Variants in IQSEC2 observed in about 807,000 individuals in gnomAD.
IQSEC2 encodes the protein IQ motif and Sec7 domain ArfGEF 2, also known as IQ motif and SEC7 domain-containing protein 2.
Under a neutral mutation model 74.6 loss-of-function variants are expected in IQSEC2, and 6 were observed. That is an observed-to-expected ratio of 0.08 (90% CI 0.04 to 0.16). IQSEC2 has a LOEUF of 0.16. Among genes scored for constraint, IQSEC2 ranks in the 10% least tolerant of loss-of-function variants. The probability of loss-of-function intolerance (pLI) is 1.00; values close to 1 mark genes in which losing one functional copy is unlikely to be tolerated. For missense variants in IQSEC2, 734 were observed against 1,306.2 expected, an observed-to-expected ratio of 0.56 and a Z score of 6.75; for synonymous variants, 494 against 544.5, an observed-to-expected ratio of 0.91 and a Z score of 1.29.
At position 53,234,541 on chromosome X, in the gene IQSEC2, T is replaced by A. The variant is rs2074095926; in HGVS notation, c.4145A>T (p.Lys1382Ile). ...GAAGATGAAGTGCTTAGGGCCCTGT[T>A]TGTGGGCTGGAGGGTGCTGGGGGGC... is the stretch of plus-strand genomic sequence containing the variant. ...SPAPQHPPAH[K>I]QGPKHFIFSH... Residue 1382 changes from lysine (K) to isoleucine (I), a missense_variant, in exon 15 of 15, where the codon AAA (lysine) becomes ATA (isoleucine). Transcript: ENST00000642864. 1 of 1,106,216 alleles carries A rather than the reference T, an allele frequency of 9.0e-7. No individual in the cohort carries two copies. Among genetic ancestry groups the A allele is most frequent in the Non-Finnish European group, 1.2e-6 (1 of 841,471 alleles). The allele number at this position is 1,106,216 out of a possible 1,213,427, so 91.2% of individuals were successfully genotyped here. A position where few individuals can be genotyped will look rare whatever the true frequency, so the allele number is the denominator to read the frequency against.
rs2074368589 is a variant in IQSEC2 at position 53,250,511 on chromosome X, C to T, written c.2065G>A (p.Glu689Lys). The T allele has an allele frequency of 8.3e-7, 1 of 1,211,872 alleles. No homozygotes were observed. The highest frequency in any genetic ancestry group is 3.0e-5 in the East Asian group (1 of 33,841). The change falls in exon 5 of 15, where the codon GAG becomes AAG. Residue 689 changes from glutamate (E) to lysine (K), a missense_variant. Glu to Lys is a moderately conservative substitution (Grantham distance 56, BLOSUM62 1). This residue lies in a region of IQSEC2 where 204 missense variants were observed against 305.4 expected (regional missense o/e 0.67). Coordinates refer to ENST00000642864, the MANE Select transcript of IQSEC2 (RefSeq NM_001111125.3). ...RRLGKCEAAG[E>K]NSDGGDNESL... is the part of the protein sequence containing the mutation. ...TCGTTATCTCCACCATCAGAGTTCT[C>T]GCCTGCTGCCTCGCACTTCCCCAAC... is the stretch of plus-strand genomic sequence containing the variant.
At chrX:53,270,791 C>T (rs1238754295) in intron 2 of IQSEC2, among the ~76,000 whole-genome samples, 1 of 110,885 alleles carries the variant, frequency 9.0e-6, no homozygotes, top group Admixed American at 9.7e-5. Context: ...TTACTGCGAA[C>T]TCCAGCCTCT....
At chrX:53,318,848 C>T (rs1309804126) in intron 1 of IQSEC2, among the ~76,000 whole-genome samples, 1 of 113,109 alleles carries the variant, frequency 8.8e-6, no homozygotes, top group Non-Finnish European at 1.9e-5. Context: ...CCCCGGCCCA[C>T]CATGACCCTC....
In IQSEC2 at chrX:53,239,256, C is replaced by G. The variant is rs782748833; in HGVS notation, c.3054G>C (p.Thr1018=). The G allele has an allele frequency of 1.3e-5, 16 of 1,208,198 alleles. No individual in the cohort carries two copies. In the East Asian group the frequency reaches 4.7e-4, roughly 36 times the overall value. The change falls in exon 11 of 15, where the codon ACG becomes ACC. Residue 1018 remains threonine (T), a synonymous_variant. Coordinates refer to ENST00000642864, the MANE Select transcript of IQSEC2 (RefSeq NM_001111125.3). ...KIFQKKKILV[T]YSFRQSFPLV... is the part of the protein sequence containing the mutation. The stretch of plus-strand genomic sequence containing the variant: ...GGGGGAAAGACTGACGGAAACTGTA[C>G]GTCACCAAGATCTTCTTCTTCTGGA...
intron 2 of IQSEC2, chrX:53,267,185 C>A: frequency 9.8e-7 from 1 of 1,015,266 alleles, no homozygotes; most frequent in East Asian, 3.5e-5. Context: ...GAAGGTGGGA[C>A]GAGAATGGGG....
At chrX:53,249,183 T>C (rs1249898472) in intron 5 of IQSEC2, among the ~76,000 whole-genome samples, 2 of 111,642 alleles carry the variant, frequency 1.8e-5, no homozygotes, top group African/African-American at 6.5e-5. Context: ...GCCTGCTCTA[T>C]GCCAGGCTTG....
intron 13 of IQSEC2, 120 bp from the exon 14 acceptor site, chrX:53,235,952 T>G: frequency 1.5e-6 from 1 of 672,572 alleles, no homozygotes; most frequent in Non-Finnish European, 2.2e-6. Context: ...ATTATCCCTT[T>G]CCCCCATTGA....
At chrX:53,259,329 C>A (rs1466402483) in intron 2 of IQSEC2, among the ~76,000 whole-genome samples, 2 of 108,910 alleles carry the variant, frequency 1.8e-5, no homozygotes, top group Non-Finnish European at 3.8e-5. Flanking sequence ...CATGGCAAAA[C>A]CTCATCTCTA....
intron 2 of IQSEC2, among the ~76,000 whole-genome samples, chrX:53,290,412 G>A (rs1556872803): frequency 8.9e-6 from 1 of 112,210 alleles, no homozygotes. Flanking sequence ...AACTAGAGAT[G>A]TTTTCAATCT....
chrX:53,262,411 G>T (rs1162908483), intron 2 of IQSEC2, among the ~76,000 whole-genome samples: 12 of 112,413 alleles, frequency 1.1e-4, no homozygotes, highest in Admixed American at 1.0e-3. Context: ...GATATCATAA[G>T]ATGAGGGCAA....
In IQSEC2 at chrX:53,320,537, G is replaced by C; in HGVS notation, c.587C>G (p.Pro196Arg). ...AGYSAAVGVG[P>R]RPPRERGQLS... Reference sequence around the variant, plus strand: ...CTGGCCCCGCTCCCGCGGTGGCCGCGGCCCCACGCCCACCGCCGCCGAATA... The same window carrying C: ...CTGGCCCCGCTCCCGCGGTGGCCGCCGCCCCACGCCCACCGCCGCCGAATA... The change falls in exon 1 of 15, where the codon CCG becomes CGG. Residue 196 changes from proline (P) to arginine (R), a missense_variant. By Grantham distance (103) the Pro-to-Arg change is moderately radical (BLOSUM62 -2). This residue lies in a region of IQSEC2 where 134 missense variants were observed against 214.9 expected (regional missense o/e 0.62). Coordinates refer to ENST00000642864, the MANE Select transcript of IQSEC2 (RefSeq NM_001111125.3). 1 of 1,154,742 alleles carries C rather than the reference G, an allele frequency of 8.7e-7. No individual in the cohort carries two copies. Among genetic ancestry groups the C allele is most frequent in the Non-Finnish European group, 1.2e-6 (1 of 867,676 alleles).
Position 53,298,061 on chromosome X carries a change from C to T in IQSEC2, c.708-6137G>A, listed in dbSNP as rs782178501. ...TGAAGAATAGCTTGAACCTGGGAGG[C>T]GGAGGTTGCAGTGAGCTAAGATCGC... On this transcript the variant is annotated intron_variant, in intron 1 of 14. Transcript: ENST00000642864. Among the ~76,000 whole-genome samples the T allele has an allele frequency of 1.2e-4, 13 of 111,773 alleles. No individual in the cohort carries two copies. The East Asian group carries it at 3.7e-3, about 32-fold the overall frequency.
intron 1 of IQSEC2, among the ~76,000 whole-genome samples, chrX:53,298,604 G>A (rs2075179389): frequency 9.0e-6 from 1 of 111,414 alleles, no homozygotes; most frequent in Non-Finnish European, 1.9e-5. Context: ...ATCTTGCTGG[G>A]TACTCAGCAG....
Position 53,250,887 on chromosome X carries a change from C to A in IQSEC2, c.1689G>T (p.Arg563=), listed in dbSNP as rs1344357658. ...TGCCTTCCTCACGGCTACCGTCTTC[C>A]CGGGTTCCTGATGGCACTGGTGGAG... ...PVPPPVPSGT[R]EDGSREEGTR... The change falls in exon 5 of 15, where the codon CGG becomes CGT. Residue 563 remains arginine (R), a synonymous_variant. Transcript: ENST00000642864. The A allele has an allele frequency of 8.3e-7, 1 of 1,209,008 alleles. No individual in the cohort carries two copies. Among genetic ancestry groups the A allele is most frequent in the Non-Finnish European group, 1.1e-6 (1 of 893,823 alleles).
At chrX:53,285,181 G>A (rs781895660) in intron 2 of IQSEC2, among the ~76,000 whole-genome samples, 5 of 111,833 alleles carry the variant, frequency 4.5e-5, no homozygotes, top group East Asian at 2.8e-4. Context: ...TGTCAGCTTG[G>A]AGAAGCCTCC....
At chrX:53,237,960 G>A in intron 12 of IQSEC2, 185 bp downstream of exon 12, 1 of 498,142 alleles carries the variant, frequency 2.0e-6, no homozygotes, top group Non-Finnish European at 3.6e-6. Flanking sequence ...TAATAATGGG[G>A]TTGGGAGGTA....
rs782068325 is a variant in IQSEC2, at chrX:53,256,049, A to G, written c.750T>C (p.Asp250=). The G allele has an allele frequency of 2.0e-5, 23 of 1,172,541 alleles. No homozygotes were observed. Among genetic ancestry groups the G allele is most frequent in the East Asian group, 3.0e-5 (1 of 33,127 alleles). Residue 250 remains aspartate (D), a synonymous_variant, in exon 3 of 15, where the codon GAT becomes GAC. Coordinates refer to ENST00000642864, the MANE Select transcript of IQSEC2 (RefSeq NM_001111125.3). The part of the protein sequence containing the change: ...ENSRTVSVEG[D]APGSDLSTAV... The stretch of plus-strand genomic sequence containing the variant: ...CTGTGCTCAGGTCACTGCCTGGGGC[A>G]TCACCCTCCACACTGTGGGGATGAG...
intron 2 of IQSEC2, among the ~76,000 whole-genome samples, chrX:53,256,647 C>T (rs782466442): frequency 2.2e-4 from 25 of 112,226 alleles, no homozygotes; most frequent in African/African-American, 8.1e-4. Context: ...AGCCTGGCCC[C>T]TGCCCCCTGG....
chrX:53,300,107 C>T (rs2075197200), intron 1 of IQSEC2, among the ~76,000 whole-genome samples: 1 of 111,622 alleles, frequency 9.0e-6, no homozygotes, highest in Non-Finnish European at 1.9e-5. Context: ...CATACTTCAT[C>T]CTGCCTTCTG....
Sources: allele counts gnomAD v4.1 joint callset (sites outside exome capture counted in the v4.1 genomes callset), GRCh38; gene constraint gnomAD v4.1.1; regional missense constraint gnomAD v4.1.1; transcripts MANE v1.5; gene names NCBI Gene and HGNC (gene_info 2026-07-23, HGNC 2026-07-21).